PPP2R2B: variants seen among roughly 807,000 people sequenced by gnomAD.
The protein encoded by PPP2R2B is serine/threonine-protein phosphatase 2A 55 kDa regulatory subunit B beta isoform.
A neutral mutation model predicts 46.0 loss-of-function variants in PPP2R2B; 5 were observed. The ratio of observed to expected loss-of-function variants is 0.11; its 90% CI spans 0.06 to 0.23. The LOEUF is 0.23. Among genes scored for constraint, PPP2R2B ranks in the 10% least tolerant of loss-of-function variants. The probability of loss-of-function intolerance (pLI) is 1.00; values close to 1 mark genes in which losing one functional copy is unlikely to be tolerated. For missense variants in PPP2R2B, 367 were observed against 575.0 expected (o/e 0.64, Z 3.70); for synonymous variants, 215 against 206.7 (o/e 1.04, Z -0.34).
intron 2 of PPP2R2B, among the ~76,000 whole-genome samples, chr5:146,705,881 C>T (rs75855615): frequency 0.019 from 2,867 of 150,330 alleles, 102 homozygotes; most frequent in African/African-American, 0.066. Context: ...CAGTTTATGT[C>T]AAATGATTGC....
chr5:146,798,629 T>C (rs867931344), intron 2 of PPP2R2B, among the ~76,000 whole-genome samples: 16 of 152,308 alleles, frequency 1.1e-4, no homozygotes, highest in Middle Eastern at 3.4e-3. Flanking sequence ...TAACAGTGCA[T>C]TAACACTGAG....
chr5:146,807,776 C>CTTTTTTTTTTTTTTTTTTTTT (rs10583721), intron 2 of PPP2R2B, among the ~76,000 whole-genome samples: 2 of 36,930 alleles, frequency 5.4e-5, no homozygotes, highest in East Asian at 9.4e-4. Flanking sequence ...GGGGTGCCTT[C>CTTTTTTTTTTTTTTTTTTTTT]TTTTTTTTTT....
intron 1 of PPP2R2B, among the ~76,000 whole-genome samples, chr5:146,977,024 A>G (rs1229893105): frequency 6.9e-6 from 1 of 144,896 alleles, no homozygotes; most frequent in East Asian, 2.0e-4. Flanking sequence ...TCTCTTTGCT[A>G]CAGGCCAACA....
At chr5:146,740,545 T>C (rs1442290089) in intron 2 of PPP2R2B, among the ~76,000 whole-genome samples, 1 of 150,370 alleles carries the variant, frequency 6.7e-6, no homozygotes, top group Non-Finnish European at 1.5e-5. Flanking sequence ...CAAATTTGGA[T>C]CTGCCAAATT....
intron 2 of PPP2R2B, among the ~76,000 whole-genome samples, chr5:146,738,222 C>T (rs1752658050): frequency 6.6e-6 from 1 of 151,592 alleles, no homozygotes; most frequent in Non-Finnish European, 1.5e-5. Flanking sequence ...CAGTGAAACC[C>T]CGTCTCTACT....
At chr5:146,906,655 T>C (rs1042450119) in intron 1 of PPP2R2B, among the ~76,000 whole-genome samples, 2 of 152,188 alleles carry the variant, frequency 1.3e-5, no homozygotes, top group African/African-American at 2.4e-5. Context: ...ACATAATGAT[T>C]ATGCATCATC....
intron 2 of PPP2R2B, among the ~76,000 whole-genome samples, chr5:146,709,842 C>T (rs1780118719): frequency 6.6e-6 from 1 of 152,186 alleles, no homozygotes. Flanking sequence ...GTTTAAGCTA[C>T]TGTTAGTAAG....
upstream of PPP2R2B, among the ~76,000 whole-genome samples, chr5:146,880,072 C>A (rs1490045923): frequency 1.3e-5 from 2 of 152,122 alleles, no homozygotes; most frequent in Non-Finnish European, 2.9e-5. Context: ...GATTTCCATG[C>A]AGTATGGATA....
chr5:146,715,287 A>G (rs373923755), intron 2 of PPP2R2B, among the ~76,000 whole-genome samples: 5 of 152,320 alleles, frequency 3.3e-5, no homozygotes, highest in African/African-American at 1.2e-4. Context: ...TTCCTGCAGT[A>G]TGACTACAGG....
intron 1 of PPP2R2B, among the ~76,000 whole-genome samples, chr5:146,942,946 C>T (rs540913421): frequency 6.2e-4 from 95 of 152,042 alleles, no homozygotes; most frequent in African/African-American, 2.2e-3. Flanking sequence ...TACAGGTGCC[C>T]GCCACCACGC....
intron 2 of PPP2R2B, among the ~76,000 whole-genome samples, chr5:146,800,892 G>A (rs1419968223): frequency 6.6e-6 from 1 of 151,526 alleles, no homozygotes; most frequent in Non-Finnish European, 1.5e-5. Flanking sequence ...ATGAATGGAT[G>A]AAGAAAATGT....
At chr5:146,999,400 C>T (rs1754064521) in intron 1 of PPP2R2B, among the ~76,000 whole-genome samples, 1 of 152,158 alleles carries the variant, frequency 6.6e-6, no homozygotes, top group African/African-American at 2.4e-5. Context: ...TCATTCTCAG[C>T]CCTGGATGCA....
intron 5 of PPP2R2B, among the ~76,000 whole-genome samples, chr5:146,653,602 GCCT>G (rs1293253073): frequency 6.6e-6 from 1 of 152,062 alleles, no homozygotes; most frequent in African/African-American, 2.4e-5. Context: ...TCTTCCCCGG[GCCT>G]CCTCAGTTAC....
chr5:146,721,931 T>G (rs1420017304), intron 2 of PPP2R2B, among the ~76,000 whole-genome samples: 1 of 152,210 alleles, frequency 6.6e-6, no homozygotes, highest in Admixed American at 6.5e-5. Flanking sequence ...CTAATATAGA[T>G]GTAGAGATAT....
chr5:146,806,615 C>T (rs551279873), intron 2 of PPP2R2B, among the ~76,000 whole-genome samples: 1 of 152,300 alleles, frequency 6.6e-6, no homozygotes, highest in Non-Finnish European at 1.5e-5. Flanking sequence ...GCTTTCCCAA[C>T]ATTAAAAATG....
At chr5:146,728,138 CTTT>C (rs757396751) in intron 2 of PPP2R2B, among the ~76,000 whole-genome samples, 1 of 82,504 alleles carries the variant, frequency 1.2e-5, no homozygotes, top group African/African-American at 4.8e-5. Context: ...GAAACACTTA[CTTT>C]TTTTTTTTTT....
chr5:146,691,009 T>C, intron 5 of PPP2R2B, 119 bp downstream of exon 5: 1 of 773,024 alleles, frequency 1.3e-6, no homozygotes, highest in Non-Finnish European at 2.1e-6. Flanking sequence ...AGGCTGAGTC[T>C]CTGCCTACGT....
chr5:146,902,790 T>G (rs1762876126), intron 1 of PPP2R2B, among the ~76,000 whole-genome samples: 1 of 152,008 alleles, frequency 6.6e-6, no homozygotes. Context: ...ACTTCCCAAT[T>G]CAGAGCACAC....
At chr5:146,933,786 C>T in intron 1 of PPP2R2B, among the ~76,000 whole-genome samples, 1 of 150,558 alleles carries the variant, frequency 6.6e-6, no homozygotes, top group Non-Finnish European at 1.5e-5. Flanking sequence ...CACCCACTAA[C>T]TTGTCATCTA....
Sources: allele counts gnomAD v4.1 joint callset (sites outside exome capture counted in the v4.1 genomes callset), GRCh38; gene constraint gnomAD v4.1.1; transcripts MANE v1.5; gene names NCBI Gene and HGNC (gene_info 2026-07-23, HGNC 2026-07-21).